ASB11: variants seen among roughly 807,000 people sequenced by gnomAD.
ASB11 encodes ankyrin repeat and SOCS box containing 11.
A neutral mutation model predicts 20.1 loss-of-function variants in ASB11; 17 were observed. That is an observed-to-expected ratio of 0.85 (90% CI 0.58 to 1.27). The LOEUF (loss-of-function observed/expected upper bound fraction) is 1.27, where lower values mean the gene tolerates loss of function less well. Among genes scored for constraint, ASB11 ranks in the 50% most tolerant of loss-of-function variants. The pLI is 0.00. For missense variants in ASB11, 259 were observed against 256.9 expected (o/e 1.01, Z -0.06); for synonymous variants, 107 against 105.6 (o/e 1.01, Z -0.08).
intron 1 of ASB11, among the ~76,000 whole-genome samples, chrX:15,303,742 AAT>A: frequency 8.9e-6 from 1 of 111,748 alleles, no homozygotes; most frequent in South Asian, 3.8e-4. Flanking sequence ...GTAAGATGGA[AAT>A]ATAATAATCT....
chrX:15,287,605 G>A (rs953431194), intron 6 of ASB11, among the ~76,000 whole-genome samples: 1 of 112,774 alleles, frequency 8.9e-6, no homozygotes, highest in African/African-American at 3.2e-5. Context: ...GATTACAGGC[G>A]TGAGCCACCA....
intron 1 of ASB11, among the ~76,000 whole-genome samples, chrX:15,308,184 A>G (rs950093194): frequency 1.8e-5 from 2 of 111,703 alleles, no homozygotes; most frequent in Non-Finnish European, 3.8e-5. Flanking sequence ...TGCAGGCCTC[A>G]CTCCAGGTCT....
At chrX:15,303,636 G>A (rs999712512) in intron 1 of ASB11, among the ~76,000 whole-genome samples, 1 of 111,881 alleles carries the variant, frequency 8.9e-6, no homozygotes, top group Non-Finnish European at 1.9e-5. Flanking sequence ...ATGGGCCAGT[G>A]GAGCCAGACT....
At chrX:15,295,500 G>T in intron 3 of ASB11, among the ~76,000 whole-genome samples, 1 of 111,914 alleles carries the variant, frequency 8.9e-6, no homozygotes, top group East Asian at 2.8e-4. Flanking sequence ...TCTCAGGTTT[G>T]CAGCTTGGGA....
chrX:15,310,710 G>A (rs900077011), intron 1 of ASB11, among the ~76,000 whole-genome samples: 1 of 112,457 alleles, frequency 8.9e-6, no homozygotes, highest in Non-Finnish European at 1.9e-5. Flanking sequence ...CCCAACAGCC[G>A]GGCGCGGTGG....
At chrX:15,284,003 A>C (rs1927273106) in intron 6 of ASB11, among the ~76,000 whole-genome samples, 1 of 110,852 alleles carries the variant, frequency 9.0e-6, no homozygotes, top group African/African-American at 3.3e-5. Flanking sequence ...CTGTAATCCC[A>C]GCACTTTGGG....
Position 15,303,142 on chromosome X carries a change from G to A in ASB11, c.182-335C>T, listed in dbSNP as rs1268352423. 5.4e-5 allele frequency among the ~76,000 whole-genome samples: 6 copies of A among 111,017 alleles called. No individual in the cohort carries two copies. In the Admixed American group the frequency reaches 5.8e-4, roughly 11 times the overall value. On this transcript the variant is annotated intron_variant, in intron 1 of 6. Transcript: ENST00000480796. The stretch of plus-strand genomic sequence containing the variant: ...TATGTAAGGCAAAATGAAGGGCCAA[G>A]AAAGTCAATGAGCCTCCACATTTTT...
At chrX:15,301,243 G>A (rs1011379270) in intron 2 of ASB11, among the ~76,000 whole-genome samples, 23 of 111,814 alleles carry the variant, frequency 2.1e-4, no homozygotes, top group Non-Finnish European at 1.9e-4. Context: ...GATTACAGGC[G>A]TGAGCCACCA....
chrX:15,296,407 C>T (rs1425725639), intron 3 of ASB11, among the ~76,000 whole-genome samples: 2 of 112,079 alleles, frequency 1.8e-5, no homozygotes, highest in African/African-American at 6.5e-5. Flanking sequence ...TCATTAAGCA[C>T]TTAAAAACAT....
chrX:15,284,662 G>T (rs1460603874), intron 6 of ASB11, among the ~76,000 whole-genome samples: 1 of 111,845 alleles, frequency 8.9e-6, no homozygotes, highest in African/African-American at 3.3e-5. Flanking sequence ...CATGCCCATG[G>T]CTTTGAATGG....
intron 3 of ASB11, among the ~76,000 whole-genome samples, chrX:15,296,369 C>T (rs1373037839): frequency 5.4e-5 from 6 of 111,648 alleles, no homozygotes; most frequent in Admixed American, 4.8e-4. Flanking sequence ...TGTAGAAACC[C>T]GATTTCCATA....
In ASB11 at chrX:15,283,298, G is replaced by A; in HGVS notation, c.*207C>T. 5.0e-6 allele frequency: 2 copies of A among 399,321 alleles called. No individual in the cohort carries two copies. The highest frequency in any genetic ancestry group is 8.4e-6 in the Non-Finnish European group (2 of 239,359). The allele number at this position is 399,321 out of a possible 1,213,427, so 32.9% of individuals were successfully genotyped here. ...AACAACAAGAGCTAAAAGCTAAATG[G>A]TTTCTACTTGCCCCTTGGTTAATGA... On this transcript the variant is annotated 3_prime_UTR_variant, in exon 7 of 7. Transcript: ENST00000480796.
chrX:15,305,356 G>T lies in ASB11; in HGVS notation c.182-2549C>A, dbSNP rs1430865792. ...AAACTGTGCACCAACCCAAACTGAG[G>T]GGACATTTTACAAAATAATTGGAGA... On this transcript the variant is annotated intron_variant, in intron 1 of 6. Coordinates refer to ENST00000480796, the MANE Select transcript of ASB11 (RefSeq NM_080873.3). Among the ~76,000 whole-genome samples the T allele has an allele frequency of 2.8e-4, 31 of 111,363 alleles. No homozygotes were observed. In the Admixed American group the frequency reaches 3.0e-3, roughly 11 times the overall value.
At chrX:15,314,912 T>C (rs1169873943) in intron 1 of ASB11, among the ~76,000 whole-genome samples, 1 of 111,561 alleles carries the variant, frequency 9.0e-6, no homozygotes, top group African/African-American at 3.3e-5. Context: ...CATGCTACCA[T>C]ATAAAATGGG....
chrX:15,282,704 T>C lies in ASB11; in HGVS notation c.*801A>G, dbSNP rs891113389. The C allele has an allele frequency of 9.1e-6, 1 of 110,053 alleles. No homozygotes were observed. Among genetic ancestry groups the C allele is most frequent in the East Asian group, 2.8e-4 (1 of 3,537 alleles). The allele number at this position is 110,053 out of a possible 1,213,427, so 9.1% of individuals were successfully genotyped here. A position where few individuals can be genotyped will look rare whatever the true frequency, so the allele number is the denominator to read the frequency against. ...AATAGATGCCAACCTCTGGGTGCAC[T>C]GATCTCTTCCAAAGTCTCTCTTATC... On this transcript the variant is annotated 3_prime_UTR_variant, in exon 7 of 7. Coordinates refer to ENST00000480796, the MANE Select transcript of ASB11 (RefSeq NM_080873.3).
chrX:15,284,076 C>A (rs1348880012), intron 6 of ASB11, among the ~76,000 whole-genome samples: 2 of 105,829 alleles, frequency 1.9e-5, no homozygotes, highest in African/African-American at 7.1e-5. Context: ...CACGGTGAAA[C>A]CCCGTGTCCA....
intron 2 of ASB11, among the ~76,000 whole-genome samples, chrX:15,301,367 A>C (rs982909381): frequency 8.9e-6 from 1 of 112,621 alleles, no homozygotes; most frequent in Non-Finnish European, 1.9e-5. Flanking sequence ...ATAAATAAGC[A>C]AGTGATAAAA....
rs1927248330 is a variant in ASB11, at chrX:15,283,485, C to A, written c.*20G>T. On this transcript the variant is annotated 3_prime_UTR_variant, in exon 7 of 7. Transcript: ENST00000480796. ...CAACAATCTGTGTCATTCCAAGTAT[C>A]TTCCCAGGAACACTTAGGACTATTG... The A allele has an allele frequency of 7.4e-6, 9 of 1,209,553 alleles. No individual in the cohort carries two copies. The highest frequency in any genetic ancestry group is 9.0e-6 in the Non-Finnish European group (8 of 893,790).
chrX:15,294,018 G>A (rs6628949), intron 3 of ASB11, among the ~76,000 whole-genome samples: 35,171 of 107,710 alleles, frequency 0.33, 4,668 homozygotes, highest in South Asian at 0.57. Context: ...AAAACTTAAA[G>A]TATAATAAAA....
Sources: allele counts gnomAD v4.1 joint callset (sites outside exome capture counted in the v4.1 genomes callset), GRCh38; gene constraint gnomAD v4.1.1; transcripts MANE v1.5; gene names NCBI Gene and HGNC (gene_info 2026-07-23, HGNC 2026-07-21).